The following MID1 variants were observed in gnomAD, a reference collection of about 807,000 sequenced individuals.
MID1 encodes the protein midline 1, also known as E3 ubiquitin-protein ligase Midline-1.
In MID1, 7 loss-of-function variants were observed where a neutral mutation model predicts 40.4. The ratio of observed to expected loss-of-function variants is 0.17; its 90% CI spans 0.10 to 0.33. MID1 has a LOEUF of 0.33. MID1 is among the 10% of genes least tolerant of loss of function. MID1 has a pLI of 1.00. For missense variants in MID1, 367 were observed against 558.5 expected, an observed-to-expected ratio of 0.66 and a Z score of 3.46; for synonymous variants, 229 against 221.2, an observed-to-expected ratio of 1.04 and a Z score of -0.31.
At chrX:10,814,141 T>C (rs1051312145) in intron 1 of MID1, among the ~76,000 whole-genome samples, 2 of 111,763 alleles carry the variant, frequency 1.8e-5, no homozygotes, top group Non-Finnish European at 3.8e-5. Context: ...TCACAGGCCA[T>C]ACAAAAGAGG....
intron 1 of MID1, among the ~76,000 whole-genome samples, chrX:10,638,448 A>G (rs1936147810): frequency 8.9e-6 from 1 of 111,774 alleles, no homozygotes; most frequent in Non-Finnish European, 1.9e-5. Flanking sequence ...GGTGGCAGCG[A>G]GGTGGAGGGA....
intron 1 of MID1, among the ~76,000 whole-genome samples, chrX:10,611,097 A>G (rs1244796063): frequency 2.7e-5 from 3 of 112,129 alleles, no homozygotes; most frequent in Non-Finnish European, 5.6e-5. Flanking sequence ...TTAAAGAGGA[A>G]CCAGGAATAC....
intron 1 of MID1, among the ~76,000 whole-genome samples, chrX:10,672,259 C>T (rs2042992213): frequency 9.0e-6 from 1 of 110,972 alleles, no homozygotes. Flanking sequence ...ATGTGGTAGT[C>T]AGAACAATGC....
chrX:10,586,921 C>T (rs1347033343), intron 1 of MID1, among the ~76,000 whole-genome samples: 2 of 112,546 alleles, frequency 1.8e-5, no homozygotes, highest in Non-Finnish European at 3.8e-5. Flanking sequence ...CTGGGGCTGA[C>T]GTGAGTTTTT....
chrX:10,750,221 G>A (rs1437777620), intron 1 of MID1, among the ~76,000 whole-genome samples: 1 of 111,489 alleles, frequency 9.0e-6, no homozygotes, highest in African/African-American at 3.3e-5. Flanking sequence ...AGTGGTCACA[G>A]AAGTTTTCAT....
At chrX:10,749,647 C>T (rs1295882206) in intron 1 of MID1, among the ~76,000 whole-genome samples, 2 of 111,984 alleles carry the variant, frequency 1.8e-5, no homozygotes, top group African/African-American at 6.5e-5. Flanking sequence ...TCTGTTCAGC[C>T]TCTTGAGTGG....
intron 1 of MID1, among the ~76,000 whole-genome samples, chrX:10,697,443 C>T (rs767846803): frequency 1.8e-5 from 2 of 111,207 alleles, no homozygotes; most frequent in South Asian, 3.8e-4. Flanking sequence ...GAATTGTCTC[C>T]GAATTAGCAG....
rs1005318413 is a variant in MID1, at chrX:10,614,439, A to G, written c.-57+5851T>C. 3.6e-5 allele frequency among the ~76,000 whole-genome samples: 4 copies of G among 112,120 alleles called. No homozygotes were observed. The Admixed American group carries it at 3.8e-4, about 11-fold the overall frequency. On this transcript the variant is annotated intron_variant, in intron 1 of 9. Transcript: ENST00000317552. Reference sequence around the variant, plus strand: ...TGCCAAAGGCATGGCCCTGCCCCCAAATATTGTCCCTGAAAGGAAAATCAT... The same window carrying G: ...TGCCAAAGGCATGGCCCTGCCCCCAGATATTGTCCCTGAAAGGAAAATCAT...
At chrX:10,687,714 C>T (rs772190927) in intron 1 of MID1, among the ~76,000 whole-genome samples, 2 of 111,564 alleles carry the variant, frequency 1.8e-5, no homozygotes, top group African/African-American at 6.5e-5. Flanking sequence ...ATTATGCCAA[C>T]ATTAAACATT....
intron 1 of MID1, among the ~76,000 whole-genome samples, chrX:10,642,170 A>C (rs1262924648): frequency 8.9e-6 from 1 of 111,890 alleles, no homozygotes; most frequent in East Asian, 2.8e-4. Context: ...TGGCCAGGGC[A>C]ATCAGGCAGG....
intron 1 of MID1, among the ~76,000 whole-genome samples, chrX:10,778,176 C>T (rs780495129): frequency 2.7e-5 from 3 of 111,261 alleles, no homozygotes; most frequent in East Asian, 2.8e-4. Flanking sequence ...GACTTCTATA[C>T]GACTGGCAGT....
chrX:10,692,051 C>T (rs186215480), intron 1 of MID1, among the ~76,000 whole-genome samples: 29 of 111,769 alleles, frequency 2.6e-4, no homozygotes, highest in Non-Finnish European at 3.4e-4. Flanking sequence ...TGCCCTCGAA[C>T]CCTGTTTCCT....
intron 3 of MID1, among the ~76,000 whole-genome samples, chrX:10,519,015 A>T (rs1219331182): frequency 8.9e-6 from 1 of 112,339 alleles, no homozygotes; most frequent in East Asian, 2.8e-4. Flanking sequence ...ATTTTACATC[A>T]TGTTAGGATG....
chrX:10,623,325 G>A (rs1461281677), upstream of MID1, among the ~76,000 whole-genome samples: 1 of 106,316 alleles, frequency 9.4e-6, no homozygotes, highest in East Asian at 2.9e-4. Context: ...AAGGAAGGAA[G>A]GAAGGAAGGA....
At chrX:10,453,037 TAATTTTGCCCCACTGCAGCTA>T (rs1928441479) in intron 9 of MID1, among the ~76,000 whole-genome samples, 1 of 112,169 alleles carries the variant, frequency 8.9e-6, no homozygotes, top group African/African-American at 3.2e-5. Context: ...CTTTGTGCTT[TAATTTTGCCCCACTGCAGCTA>T]AAAATTGCAA....
chrX:10,547,666 A>G (rs1445874841), intron 2 of MID1, among the ~76,000 whole-genome samples: 1 of 110,195 alleles, frequency 9.1e-6, no homozygotes, highest in Non-Finnish European at 1.9e-5. Context: ...AAAAGAAAAA[A>G]AGAAAAGAAA....
chrX:10,558,077 A>AAC (rs1308153657), intron 2 of MID1, among the ~76,000 whole-genome samples: 1 of 110,285 alleles, frequency 9.1e-6, no homozygotes, highest in African/African-American at 3.3e-5. Flanking sequence ...AAAAAAAAAA[A>AAC]AAAACACTTC....
chrX:10,592,387 C>A (rs1257164450), intron 1 of MID1, among the ~76,000 whole-genome samples: 3 of 105,206 alleles, frequency 2.9e-5, no homozygotes, highest in African/African-American at 1.0e-4. Flanking sequence ...ATTATCATTT[C>A]TCGTATAAAT....
intron 1 of MID1, among the ~76,000 whole-genome samples, chrX:10,680,867 C>T (rs1330843496): frequency 9.2e-6 from 1 of 108,220 alleles, no homozygotes; most frequent in Admixed American, 1.0e-4. Context: ...CCCGTCACTA[C>T]CAAAAATAAA....
Sources: gnomAD v4.1 joint callset for allele counts (sites outside exome capture counted in the v4.1 genomes callset) on GRCh38, gnomAD v4.1.1 for gene constraint, MANE v1.5 for transcripts, NCBI Gene and HGNC (gene_info 2026-07-23, HGNC 2026-07-21) for gene names.